The following ZFAT variants were observed in gnomAD, a reference collection of about 807,000 sequenced individuals.
The protein encoded by ZFAT is zinc finger and AT-hook domain containing.
Under a neutral mutation model 117.7 loss-of-function variants are expected in ZFAT, and 64 were observed. The observed-to-expected ratio is 0.54, with a 90% CI of 0.44 to 0.67. The LOEUF (loss-of-function observed/expected upper bound fraction) is 0.67, where lower values mean the gene tolerates loss of function less well. Among genes scored for constraint, ZFAT ranks in the 30% least tolerant of loss-of-function variants. ZFAT has a pLI of 0.00. For synonymous variants in ZFAT, 679 were observed against 615.0 expected (o/e 1.10, Z -1.54); for missense variants, 1,433 against 1,584.5 (o/e 0.90, Z 1.62).
chr8:134,755,288 C>G, the ZFAT span, among the ~76,000 whole-genome samples: 41 of 150,548 alleles, frequency 2.7e-4, 1 homozygote, highest in South Asian at 7.4e-3. Context: ...CGGCATGTGC[C>G]TATAGTCCCA....
At chr8:134,678,887 T>C (rs577394668) in intron 1 of ZFAT, among the ~76,000 whole-genome samples, 1 of 152,222 alleles carries the variant, frequency 6.6e-6, no homozygotes, top group Non-Finnish European at 1.5e-5. Flanking sequence ...GCTAGCCATA[T>C]GCAGAAAGCT....
chr8:134,821,402 T>C, the ZFAT span, among the ~76,000 whole-genome samples: 1 of 152,140 alleles, frequency 6.6e-6, no homozygotes, highest in African/African-American at 2.4e-5. Flanking sequence ...ATAGCTTCAC[T>C]GTATTCAGCA....
At chr8:134,819,335 C>T in the ZFAT span, among the ~76,000 whole-genome samples, 1 of 151,504 alleles carries the variant, frequency 6.6e-6, no homozygotes, top group African/African-American at 2.4e-5. Context: ...AAAGAAAAAT[C>T]AAAGTCCAAG....
intron 1 of ZFAT, among the ~76,000 whole-genome samples, chr8:134,687,109 C>T (rs1833359521): frequency 6.6e-6 from 1 of 152,188 alleles, no homozygotes; most frequent in South Asian, 2.1e-4. Flanking sequence ...TGCTCCCCTG[C>T]CCATAAATCA....
chr8:134,499,578 C>A (rs1198016118), intron 15 of ZFAT, among the ~76,000 whole-genome samples: 1 of 150,584 alleles, frequency 6.6e-6, no homozygotes, highest in Non-Finnish European at 1.5e-5. Flanking sequence ...AGCTGGGATG[C>A]CCCCGCTGCT....
chr8:134,719,701 A>G, the ZFAT span, among the ~76,000 whole-genome samples: 1 of 152,190 alleles, frequency 6.6e-6, no homozygotes, highest in East Asian at 1.9e-4. Flanking sequence ...AAAAGCCCCC[A>G]AGGGAGTTTG....
At chr8:134,756,261 T>C in the ZFAT span, among the ~76,000 whole-genome samples, 3 of 152,208 alleles carry the variant, frequency 2.0e-5, no homozygotes, top group Admixed American at 6.5e-5. Flanking sequence ...CTCACACTTA[T>C]ACAATATTTT....
At chr8:134,625,726 T>G (rs1829450861) in intron 3 of ZFAT, among the ~76,000 whole-genome samples, 1 of 152,224 alleles carries the variant, frequency 6.6e-6, no homozygotes, top group Non-Finnish European at 1.5e-5. Context: ...AGCCCTTGAC[T>G]TTAGCCAATC....
intron 3 of ZFAT, among the ~76,000 whole-genome samples, chr8:134,633,065 A>G (rs1024281043): frequency 2.6e-5 from 4 of 152,174 alleles, no homozygotes; most frequent in African/African-American, 9.7e-5. Flanking sequence ...GACAATACGT[A>G]TGCGCGTCAA....
At chr8:134,784,714 T>C in the ZFAT span, 1 of 152,166 alleles carries the variant, frequency 6.6e-6, no homozygotes, top group South Asian at 2.1e-4. Flanking sequence ...GTAACCTCTG[T>C]GTGAATATTG....
At chr8:134,640,616 G>C (rs1449548000) in intron 2 of ZFAT, among the ~76,000 whole-genome samples, 1 of 152,170 alleles carries the variant, frequency 6.6e-6, no homozygotes, top group Non-Finnish European at 1.5e-5. Context: ...AAATCTGGGT[G>C]AATTAAACTG....
chr8:134,539,553 C>A (rs1197087800), intron 11 of ZFAT, among the ~76,000 whole-genome samples: 1 of 152,176 alleles, frequency 6.6e-6, no homozygotes, highest in Non-Finnish European at 1.5e-5. Flanking sequence ...ATTTCAACCT[C>A]AGTTTAACAA....
At chr8:134,507,964 C>G (rs16905158) in intron 15 of ZFAT, among the ~76,000 whole-genome samples, 5,933 of 152,214 alleles carry the variant, frequency 0.039, 268 homozygotes, top group East Asian at 0.23. Flanking sequence ...CTGAAGACTG[C>G]AATCTAGTAA....
chr8:134,656,675 C>T (rs1831624313), intron 2 of ZFAT, among the ~76,000 whole-genome samples: 1 of 152,114 alleles, frequency 6.6e-6, no homozygotes, highest in African/African-American at 2.4e-5. Flanking sequence ...CTGAATATTC[C>T]CAGGAAAGAG....
the ZFAT span, among the ~76,000 whole-genome samples, chr8:134,789,134 G>A: frequency 6.6e-6 from 1 of 151,860 alleles, no homozygotes; most frequent in African/African-American, 2.4e-5. Context: ...AAATGCTTTT[G>A]TCTCCATTAA....
Position 134,521,874 on chromosome 8 carries a change from C to T in ZFAT, c.3116-873G>A, listed in dbSNP as rs543270140. 1.5e-4 allele frequency among the ~76,000 whole-genome samples: 23 copies of T among 152,312 alleles called. No individual in the cohort carries two copies. The East Asian group carries it at 3.1e-3, about 20-fold the overall frequency. On this transcript the variant is annotated intron_variant, in intron 12 of 15. Transcript: ENST00000377838. ...CTGAGCTGGGCCAGGGGAATGAGCC[C>T]TCTCACCAACATCCCCAACACCACA...
At chr8:134,592,212 C>T (rs561407080) in intron 7 of ZFAT, among the ~76,000 whole-genome samples, 51 of 152,260 alleles carry the variant, frequency 3.3e-4, no homozygotes, top group African/African-American at 1.1e-3. Flanking sequence ...GTGATGAATG[C>T]TCTCCTCACT....
chr8:134,709,483 C>T (rs1389433911), intron 1 of ZFAT, among the ~76,000 whole-genome samples: 1 of 152,166 alleles, frequency 6.6e-6, no homozygotes, highest in Non-Finnish European at 1.5e-5. Flanking sequence ...CTAAATGTTC[C>T]AGCCCTTAAA....
At chr8:134,489,031 G>T (rs1456644312) in intron 15 of ZFAT, among the ~76,000 whole-genome samples, 6 of 138,912 alleles carry the variant, frequency 4.3e-5, no homozygotes, top group Middle Eastern at 3.6e-3. Context: ...GAAACAAAGA[G>T]GAAAAAAAAA....
Sources: allele counts gnomAD v4.1 joint callset (sites outside exome capture counted in the v4.1 genomes callset), GRCh38; gene constraint gnomAD v4.1.1; transcripts MANE v1.5; gene names NCBI Gene and HGNC (gene_info 2026-07-23, HGNC 2026-07-21).